The following SLCO5A1 variants were observed in gnomAD, a reference collection of about 807,000 sequenced individuals.
SLCO5A1 encodes the protein solute carrier organic anion transporter family member 5A1.
SLCO5A1 carries 39 observed loss-of-function variants against 65.1 expected under a neutral mutation model. That is an observed-to-expected ratio of 0.60 (90% CI 0.46 to 0.78). The LOEUF is 0.78. Ranked by LOEUF, SLCO5A1 falls within the 30% of genes least tolerant of loss-of-function variation. The probability of loss-of-function intolerance (pLI) is 0.00; values close to 1 mark genes in which losing one functional copy is unlikely to be tolerated. For synonymous variants in SLCO5A1, 438 were observed against 415.7 expected (o/e 1.05, Z -0.65); for missense variants, 1,029 against 1,069.4 (o/e 0.96, Z 0.53).
In SLCO5A1 at chr8:69,755,579, A is replaced by C; in HGVS notation, c.1103T>G (p.Phe368Cys). ...MFLVIFPMFT[F>C]PKKLPPRHKK... ...GTGTCGAGGTGGAAGCTTTTTTGGGAAAGTAAACATTGGGAATATCACAAG... is the reference window on the plus strand; with the variant it reads ...GTGTCGAGGTGGAAGCTTTTTTGGGCAAGTAAACATTGGGAATATCACAAG... Residue 368 changes from phenylalanine (F) to cysteine (C), a missense_variant, in exon 4 of 10, where the codon TTC becomes TGC. Physicochemically the swap from Phe to Cys is radical, Grantham distance 205. Coordinates refer to ENST00000260126, the MANE Select transcript of SLCO5A1 (RefSeq NM_030958.3). 6.2e-7 allele frequency: 1 copy of C among 1,614,040 alleles called. No homozygotes were observed. Among genetic ancestry groups the C allele is most frequent in the Non-Finnish European group, 8.5e-7 (1 of 1,179,986 alleles).
chr8:69,826,118 CA>C (rs1820899850), intron 2 of SLCO5A1, among the ~76,000 whole-genome samples: 1 of 152,160 alleles, frequency 6.6e-6, no homozygotes, highest in African/African-American at 2.4e-5. Flanking sequence ...ACACCTTATA[CA>C]AAAGTTAATT....
At chr8:69,828,262 A>G (rs1821000573) in intron 2 of SLCO5A1, among the ~76,000 whole-genome samples, 2 of 139,666 alleles carry the variant, frequency 1.4e-5, no homozygotes, top group Non-Finnish European at 3.1e-5. Flanking sequence ...CGCATTCATC[A>G]TTTTTTTTTT....
intron 4 of SLCO5A1, among the ~76,000 whole-genome samples, chr8:69,745,068 G>T (rs1202407271): frequency 6.6e-6 from 1 of 152,156 alleles, no homozygotes; most frequent in Non-Finnish European, 1.5e-5. Context: ...AGATTTCTGA[G>T]TGATTGCCTC....
At chr8:69,738,345 G>T in intron 4 of SLCO5A1, 141 bp from the exon 5 acceptor site, 1 of 748,680 alleles carries the variant, frequency 1.3e-6, no homozygotes, top group Non-Finnish European at 2.0e-6. Flanking sequence ...AAGATCTGAT[G>T]ACGATTAGAA....
chr8:69,801,766 A>C (rs2130903622), intron 2 of SLCO5A1, among the ~76,000 whole-genome samples: 1 of 152,280 alleles, frequency 6.6e-6, no homozygotes, highest in African/African-American at 2.4e-5. Context: ...GTAGTCACTC[A>C]CCCAGAGTGA....
intron 2 of SLCO5A1, among the ~76,000 whole-genome samples, chr8:69,788,063 G>A (rs1181438611): frequency 2.0e-5 from 3 of 151,960 alleles, no homozygotes; most frequent in African/African-American, 7.3e-5. Context: ...AATCTCATTA[G>A]AGTCCTACAT....
intron 5 of SLCO5A1, among the ~76,000 whole-genome samples, chr8:69,728,189 G>A (rs1269850976): frequency 6.6e-6 from 1 of 151,950 alleles, no homozygotes; most frequent in South Asian, 2.1e-4. Flanking sequence ...AAACACTAAT[G>A]TAAAATACCG....
At chr8:69,764,688 T>C (rs1241568580) in intron 2 of SLCO5A1, among the ~76,000 whole-genome samples, 1 of 152,204 alleles carries the variant, frequency 6.6e-6, no homozygotes, top group African/African-American at 2.4e-5. Context: ...ACTTTTTCTG[T>C]TATAGGTATT....
intron 5 of SLCO5A1, among the ~76,000 whole-genome samples, chr8:69,711,513 G>T (rs1815258224): frequency 6.6e-6 from 1 of 152,226 alleles, no homozygotes; most frequent in African/African-American, 2.4e-5. Flanking sequence ...GAGGGCAAGG[G>T]GGGCAGAGCG....
intron 2 of SLCO5A1, among the ~76,000 whole-genome samples, chr8:69,796,790 C>T (rs1819519156): frequency 6.6e-6 from 1 of 151,922 alleles, no homozygotes; most frequent in Non-Finnish European, 1.5e-5. Flanking sequence ...GAATACTTTG[C>T]TGATTAGAAA....
chr8:69,733,269 T>A (rs1266894884), intron 5 of SLCO5A1, among the ~76,000 whole-genome samples: 2 of 152,246 alleles, frequency 1.3e-5, no homozygotes, highest in African/African-American at 4.8e-5. Flanking sequence ...GATCGGGTTG[T>A]ATTTTTCCAT....
intron 6 of SLCO5A1, among the ~76,000 whole-genome samples, chr8:69,693,291 G>A (rs763869605): frequency 6.6e-5 from 10 of 152,118 alleles, no homozygotes; most frequent in Non-Finnish European, 1.0e-4. Flanking sequence ...AACACATCAG[G>A]TTCATTCTAC....
At chr8:69,796,518 T>C (rs908362063) in intron 2 of SLCO5A1, among the ~76,000 whole-genome samples, 3 of 151,960 alleles carry the variant, frequency 2.0e-5, no homozygotes, top group Non-Finnish European at 2.9e-5. Flanking sequence ...CAGGAGGCTG[T>C]GGTGGGAGGA....
chr8:69,675,179 T>G (rs192382166), intron 9 of SLCO5A1, among the ~76,000 whole-genome samples: 2 of 134,434 alleles, frequency 1.5e-5, no homozygotes, highest in Non-Finnish European at 3.0e-5. Context: ...AAGACTGACT[T>G]TTTTTTTTTT....
At chr8:69,782,438 G>T (rs1391985661) in intron 2 of SLCO5A1, among the ~76,000 whole-genome samples, 1 of 151,800 alleles carries the variant, frequency 6.6e-6, no homozygotes, top group Non-Finnish European at 1.5e-5. Context: ...AAATTAGCCA[G>T]GTGTGGTGGC....
intron 4 of SLCO5A1, among the ~76,000 whole-genome samples, chr8:69,743,762 C>T (rs990181736): frequency 5.3e-5 from 8 of 152,070 alleles, no homozygotes; most frequent in South Asian, 4.1e-4. Flanking sequence ...GGGAAGGAGG[C>T]GGGACTCAGA....
At chr8:69,682,803 C>T (rs778109773) in intron 6 of SLCO5A1, among the ~76,000 whole-genome samples, 1 of 152,188 alleles carries the variant, frequency 6.6e-6, no homozygotes, top group Non-Finnish European at 1.5e-5. Flanking sequence ...CCATCTATCC[C>T]AGTTATTAAT....
rs1382699877 is a variant in SLCO5A1, at chr8:69,672,609, T to A, written c.*260A>T. 8 of 486,430 alleles carry A rather than the reference T, an allele frequency of 1.6e-5. No homozygotes were observed. Among genetic ancestry groups the A allele is most frequent in the Admixed American group, 1.1e-4 (3 of 28,020 alleles). The allele number at this position is 486,430 out of a possible 1,614,324, so 30.1% of individuals were successfully genotyped here. A position where few individuals can be genotyped will look rare whatever the true frequency, so the allele number is the denominator to read the frequency against. On this transcript the variant is annotated 3_prime_UTR_variant, in exon 10 of 10. Transcript: ENST00000260126. ...CCTCAGCCTGTACCGTAGGGGAGCATGAGCTTTGAATTAACACAACGGAAA... is the reference window on the plus strand; with the variant it reads ...CCTCAGCCTGTACCGTAGGGGAGCAAGAGCTTTGAATTAACACAACGGAAA...
chr8:69,815,145 A>T (rs190781333), intron 2 of SLCO5A1, among the ~76,000 whole-genome samples: 52 of 152,290 alleles, frequency 3.4e-4, no homozygotes, highest in Non-Finnish European at 6.2e-4. Flanking sequence ...TTAAAAGTAA[A>T]TTTCAAAGGT....
Sources: allele counts gnomAD v4.1 joint callset (sites outside exome capture counted in the v4.1 genomes callset), GRCh38; gene constraint gnomAD v4.1.1; transcripts MANE v1.5; gene names NCBI Gene and HGNC (gene_info 2026-07-23, HGNC 2026-07-21).